TTC12: variants seen among roughly 807,000 people sequenced by gnomAD.
TTC12 encodes the protein tetratricopeptide repeat protein 12.
TTC12 carries 70 observed loss-of-function variants against 90.1 expected under a neutral mutation model. The observed-to-expected ratio is 0.78, with a 90% CI of 0.64 to 0.95. The LOEUF (loss-of-function observed/expected upper bound fraction) is 0.95, where lower values mean the gene tolerates loss of function less well. TTC12 is among the 40% of genes least tolerant of loss of function. TTC12 has a pLI of 0.00. For missense variants in TTC12, 819 were observed against 846.1 expected, an observed-to-expected ratio of 0.97 and a Z score of 0.40; for synonymous variants, 296 against 311.5, an observed-to-expected ratio of 0.95 and a Z score of 0.53.
In TTC12 at chr11:113,352,198, G is replaced by T; in HGVS notation, c.1437G>T (p.Leu479Phe). Residue 479 changes from leucine (L) to phenylalanine (F), a missense_variant, in exon 16 of 22, where the codon TTG (leucine) becomes TTT (phenylalanine). Transcript: ENST00000529221. ...GTGAGGAATTTGGGGATGGCTGCTT[G>T]AGCCTCCTGGTATGTTAGCTTTTCT... ...AACEEFGDGC[L>F]SLLARCEEDV... The T allele has an allele frequency of 6.2e-7, 1 of 1,614,212 alleles. No individual in the cohort carries two copies. The highest frequency in any genetic ancestry group is 8.5e-7 in the Non-Finnish European group (1 of 1,180,036).
At chr11:113,340,085 G>A (rs1428783996) in intron 10 of TTC12, among the ~76,000 whole-genome samples, 1 of 152,192 alleles carries the variant, frequency 6.6e-6, no homozygotes, top group African/African-American at 2.4e-5. Flanking sequence ...GCAAACATCA[G>A]CTCTCCTACT....
At chr11:113,358,843 T>C (rs1949763695) in intron 16 of TTC12, among the ~76,000 whole-genome samples, 2 of 152,242 alleles carry the variant, frequency 1.3e-5, no homozygotes, top group African/African-American at 4.8e-5. Flanking sequence ...AACTCACCCA[T>C]TCCCCAAGAG....
chr11:113,366,307 CAG>C lies in TTC12; in HGVS notation c.*8_*9del. On this transcript the variant is annotated 3_prime_UTR_variant, in exon 22 of 22. Transcript: ENST00000529221. ...ATACATCAGTGATTCTTGAGAGAGA[CAG>C]GGTTTGTGTGCATTTGGGGAACACA... The C allele has an allele frequency of 6.2e-7, 1 of 1,613,370 alleles. No individual in the cohort carries two copies. The highest frequency in any genetic ancestry group is 8.5e-7 in the Non-Finnish European group (1 of 1,179,990).
chr11:113,366,653 A>G (rs1183819111), downstream of TTC12, among the ~76,000 whole-genome samples: 11 of 152,132 alleles, frequency 7.2e-5, no homozygotes, highest in African/African-American at 2.4e-4. Context: ...CCCTTTTGCT[A>G]TTTTCTGCTG....
At chr11:113,329,241 C>T (rs1328606378) in intron 6 of TTC12, among the ~76,000 whole-genome samples, 1 of 152,228 alleles carries the variant, frequency 6.6e-6, no homozygotes, top group East Asian at 1.9e-4. Flanking sequence ...TTAATGCCCA[C>T]CAGCAGTGTA....
chr11:113,343,771 A>G (rs369766700), intron 12 of TTC12, among the ~76,000 whole-genome samples: 17 of 152,202 alleles, frequency 1.1e-4, no homozygotes, highest in East Asian at 5.8e-4. Flanking sequence ...AGGAGGGCAC[A>G]CTTTATTCGT....
chr11:113,338,601 C>T (rs1349024691), intron 8 of TTC12, among the ~76,000 whole-genome samples, 173 bp from the exon 9 acceptor site: 16 of 152,204 alleles, frequency 1.1e-4, no homozygotes, highest in Admixed American at 3.3e-4. Context: ...GAACTGGAGA[C>T]GCCTGAACAA....
At chr11:113,366,162 C>T in intron 21 of TTC12, 63 bp from the exon 22 acceptor site, 1 of 1,581,526 alleles carries the variant, frequency 6.3e-7, no homozygotes, top group Non-Finnish European at 8.6e-7. Context: ...GGTGTTGGCT[C>T]TGGGCTCCAG....
At chr11:113,336,349 T>C (rs370836140) in intron 8 of TTC12, among the ~76,000 whole-genome samples, 27 of 152,232 alleles carry the variant, frequency 1.8e-4, no homozygotes, top group South Asian at 8.3e-4. Context: ...ATTTTCTTGA[T>C]GATGTTCTTT....
chr11:113,351,340 T>A, intron 15 of TTC12, 41 bp downstream of exon 15: 1 of 1,556,482 alleles, frequency 6.4e-7, no homozygotes, highest in Non-Finnish European at 8.9e-7. Context: ...ACAGACACTC[T>A]CAGGAGCGTG....
intron 2 of TTC12, among the ~76,000 whole-genome samples, chr11:113,317,788 C>T (rs2137903607): frequency 6.8e-6 from 1 of 146,908 alleles, no homozygotes; most frequent in Admixed American, 7.0e-5. Flanking sequence ...GCCATTCCCA[C>T]TGCCTCTTCA....
rs782357399 is a variant in TTC12, at chr11:113,341,847, A to G, written c.907A>G (p.Thr303Ala). Reference protein sequence around the residue: ...DNEVIRRCFSTAGNDAVEEMV... With the variant: ...DNEVIRRCFSAAGNDAVEEMV... ...CTTTGTCCATTCTAGGTGTTTTTCC[A>G]CAGCAGGAAATGATGCAGTTGAAGA... The change falls in exon 12 of 22, where the codon ACA (threonine) becomes GCA (alanine). Residue 303 changes from threonine (T) to alanine (A), a missense_variant. Transcript: ENST00000529221. 18 of 1,613,886 alleles carry G rather than the reference A, an allele frequency of 1.1e-5. 1 individual carries two copies. Among genetic ancestry groups the G allele is most frequent in the Middle Eastern group, 1.6e-4 (1 of 6,062 alleles).
chr11:113,363,889 A>G lies in TTC12; in HGVS notation c.1778A>G (p.Tyr593Cys), dbSNP rs749784399. ...IKILAICTNSYHEAREEVIRL... is the reference protein window; with the variant it reads ...IKILAICTNSCHEAREEVIRL... ...ATACTAGCTATCTGCACGAATAGTT[A>G]TCATGAAGCTCGGGAAGAAGTAATA... Residue 593 changes from tyrosine to cysteine, a missense_variant, in exon 20 of 22, where the codon TAT becomes TGT. Coordinates refer to ENST00000529221, the MANE Select transcript of TTC12 (RefSeq NM_017868.4). 6.2e-7 allele frequency: 1 copy of G among 1,613,874 alleles called. No homozygotes were observed. Among genetic ancestry groups the G allele is most frequent in the Admixed American group, 1.7e-5 (1 of 60,032 alleles).
chr11:113,361,677 A>G (rs1949935813), intron 18 of TTC12, among the ~76,000 whole-genome samples: 1 of 152,226 alleles, frequency 6.6e-6, no homozygotes, highest in South Asian at 2.1e-4. Context: ...CCACCTCTAT[A>G]TCTTTCCATA....
chr11:113,363,703 C>T lies in TTC12; in HGVS notation c.1717-125C>T, dbSNP rs538460783. 4.3e-5 allele frequency: 28 copies of T among 655,878 alleles called. No homozygotes were observed. In the East Asian group the frequency reaches 6.7e-4, roughly 16 times the overall value. The allele number at this position is 655,878 out of a possible 1,614,324, so 40.6% of individuals were successfully genotyped here. On this transcript the variant is annotated intron_variant, in intron 19 of 21. Transcript: ENST00000529221. ...TGCCCACCAGGAAGCACATGCCGTT[C>T]TCAGTAGAATTCTCTTTTCAGAGTT...
At chr11:113,320,750 C>G (rs1235020611) in intron 2 of TTC12, among the ~76,000 whole-genome samples, 1 of 152,214 alleles carries the variant, frequency 6.6e-6, no homozygotes, top group Non-Finnish European at 1.5e-5. Context: ...TAACACGTGC[C>G]CAACTGGGCT....
At chr11:113,333,758 G>A (rs1948193157) in intron 7 of TTC12, among the ~76,000 whole-genome samples, 1 of 152,114 alleles carries the variant, frequency 6.6e-6, no homozygotes, top group Non-Finnish European at 1.5e-5. Context: ...GCAGTGAATT[G>A]AGAAATGATA....
intron 18 of TTC12, among the ~76,000 whole-genome samples, chr11:113,361,101 G>C (rs1555154833): frequency 6.6e-6 from 1 of 152,208 alleles, no homozygotes; most frequent in East Asian, 1.9e-4. Context: ...CAGAGCAGCA[G>C]CTTCACCATG....
intron 11 of TTC12, among the ~76,000 whole-genome samples, chr11:113,340,938 T>C (rs1489142031): frequency 6.6e-6 from 1 of 152,152 alleles, no homozygotes; most frequent in Non-Finnish European, 1.5e-5. Flanking sequence ...ACACTGCAGC[T>C]AACAATTGAG....
Sources: allele counts gnomAD v4.1 joint callset (sites outside exome capture counted in the v4.1 genomes callset), GRCh38; gene constraint gnomAD v4.1.1; transcripts MANE v1.5; gene names NCBI Gene and HGNC (gene_info 2026-07-23, HGNC 2026-07-21).